Variants in BBS9 observed in about 807,000 individuals in gnomAD.
BBS9 encodes the protein protein PTHB1.
Under a neutral mutation model 117.7 loss-of-function variants are expected in BBS9, and 89 were observed. That is an observed-to-expected ratio of 0.76 (90% CI 0.64 to 0.90). BBS9 has a LOEUF of 0.90. Among genes scored for constraint, BBS9 ranks in the 40% least tolerant of loss-of-function variants. The probability of loss-of-function intolerance (pLI) is 0.00; values close to 1 mark genes in which losing one functional copy is unlikely to be tolerated. For missense variants in BBS9, 982 were observed against 1,042.2 expected (o/e 0.94, Z 0.80); for synonymous variants, 379 against 370.9 (o/e 1.02, Z -0.25).
intron 19 of BBS9, among the ~76,000 whole-genome samples, chr7:33,391,694 T>C (rs1038164806): frequency 6.6e-6 from 1 of 152,244 alleles, no homozygotes; most frequent in Admixed American, 6.5e-5. Context: ...TTTTGTTTAA[T>C]ATTCTATCAT....
chr7:33,271,682 A>C (rs1263370043), intron 7 of BBS9, among the ~76,000 whole-genome samples: 2 of 152,344 alleles, frequency 1.3e-5, no homozygotes, highest in East Asian at 3.9e-4. Context: ...ATATGCACCC[A>C]ACACAAAAGC....
intron 1 of BBS9, among the ~76,000 whole-genome samples, chr7:33,131,220 C>T (rs1013222369): frequency 6.6e-6 from 1 of 152,200 alleles, no homozygotes; most frequent in Non-Finnish European, 1.5e-5. Flanking sequence ...CACTGTCTCT[C>T]CTACTAGCAC....
chr7:33,356,394 C>G (rs957595366), intron 15 of BBS9, among the ~76,000 whole-genome samples: 1 of 151,700 alleles, frequency 6.6e-6, no homozygotes, highest in Non-Finnish European at 1.5e-5. Context: ...TTGTAAAGTA[C>G]AAATACACAT....
chr7:33,352,964 A>G, intron 15 of BBS9, 91 bp downstream of exon 15: 1 of 1,337,910 alleles, frequency 7.5e-7, no homozygotes, highest in South Asian at 1.2e-5. Flanking sequence ...AACTCTTTTT[A>G]TGGACTGCTC....
At chr7:33,556,897 G>A (rs1185233749) in intron 21 of BBS9, among the ~76,000 whole-genome samples, 2 of 152,186 alleles carry the variant, frequency 1.3e-5, no homozygotes, top group Admixed American at 1.3e-4. Flanking sequence ...GTACAAGCCT[G>A]TCTACAAGAA....
intron 9 of BBS9, among the ~76,000 whole-genome samples, chr7:33,325,683 T>C (rs565110779): frequency 2.1e-4 from 32 of 152,328 alleles, no homozygotes; most frequent in Admixed American, 5.9e-4. Flanking sequence ...TTTGGGTCAC[T>C]GCAGCCATAT....
At chr7:33,481,744 T>C (rs914526878) in intron 19 of BBS9, among the ~76,000 whole-genome samples, 17 of 152,260 alleles carry the variant, frequency 1.1e-4, no homozygotes, top group Non-Finnish European at 2.2e-4. Flanking sequence ...TTCTGTAACC[T>C]AGGGGTGATT....
At chr7:33,294,359 G>GTCCATCCA (rs111245225) in intron 9 of BBS9, among the ~76,000 whole-genome samples, 137 of 139,778 alleles carry the variant, frequency 9.8e-4, no homozygotes, top group Middle Eastern at 3.5e-3. Flanking sequence ...CTATCTCTTT[G>GTCCATCCA]TCCATCCATC....
intron 17 of BBS9, among the ~76,000 whole-genome samples, chr7:33,371,277 A>G (rs1401640976): frequency 6.6e-6 from 1 of 152,138 alleles, no homozygotes; most frequent in East Asian, 1.9e-4. Flanking sequence ...AATAATGATA[A>G]AACTCCATTT....
At chr7:33,199,353 T>C (rs1180119716) in intron 5 of BBS9, among the ~76,000 whole-genome samples, 1 of 151,930 alleles carries the variant, frequency 6.6e-6, no homozygotes, top group East Asian at 1.9e-4. Context: ...ACACTAAAAT[T>C]AGGGACCTCT....
intron 21 of BBS9, among the ~76,000 whole-genome samples, chr7:33,592,660 G>A (rs1862125258): frequency 6.6e-6 from 1 of 152,064 alleles, no homozygotes; most frequent in Non-Finnish European, 1.5e-5. Flanking sequence ...CCAAGCCAGT[G>A]ACCCAGCTGG....
rs3750124 is a variant in BBS9 at position 33,155,889 on chromosome 7, A to G, written c.328+187A>G. On this transcript the variant is annotated intron_variant, in intron 4 of 22. Coordinates refer to ENST00000242067, the MANE Select transcript of BBS9 (RefSeq NM_198428.3). ...CAGATACTTAGGCTATTACATTTTC[A>G]TGGTCTACTATTTCTGTGTATATGT... is the stretch of plus-strand genomic sequence containing the variant. Among the ~76,000 whole-genome samples the G allele has an allele frequency of 5.8e-4, 88 of 152,132 alleles. No individual in the cohort carries two copies. The East Asian group carries it at 0.014, about 24-fold the overall frequency.
At chr7:33,536,164 T>C (rs1851332120) in intron 21 of BBS9, among the ~76,000 whole-genome samples, 2 of 152,112 alleles carry the variant, frequency 1.3e-5, no homozygotes, top group Non-Finnish European at 2.9e-5. Flanking sequence ...ATCAGTCAGA[T>C]TTATGCCTGG....
intron 21 of BBS9, among the ~76,000 whole-genome samples, chr7:33,587,024 A>T (rs945816023): frequency 6.6e-6 from 1 of 152,114 alleles, no homozygotes; most frequent in East Asian, 1.9e-4. Context: ...AAACCTGAAC[A>T]TGTACCCCCG....
intron 1 of BBS9, among the ~76,000 whole-genome samples, chr7:33,140,254 G>A (rs1180297521): frequency 2.6e-5 from 4 of 152,150 alleles, no homozygotes; most frequent in Non-Finnish European, 5.9e-5. Context: ...TCGATCTCCT[G>A]ACCTCGTGAT....
intron 21 of BBS9, among the ~76,000 whole-genome samples, chr7:33,628,777 T>C (rs1865756467): frequency 6.6e-6 from 1 of 152,210 alleles, no homozygotes; most frequent in African/African-American, 2.4e-5. Flanking sequence ...GAAACTAGAA[T>C]TTAGAATTTC....
In BBS9 at chr7:33,420,122, T is replaced by G. The variant is rs1217739885; in HGVS notation, c.2115+31978T>G. 2.0e-5 allele frequency among the ~76,000 whole-genome samples: 3 copies of G among 152,194 alleles called. No individual in the cohort carries two copies. The East Asian group carries it at 5.8e-4, about 29-fold the overall frequency. ...CAAGAACCAGGGTTTCTGAGACAATTTGTTGGTTTTGAAAGAGATTTTGGG... is the reference window on the plus strand; with the variant it reads ...CAAGAACCAGGGTTTCTGAGACAATGTGTTGGTTTTGAAAGAGATTTTGGG... On this transcript the variant is annotated intron_variant, in intron 19 of 22. Transcript: ENST00000242067.
At chr7:33,174,553 C>A (rs1171383603) in intron 4 of BBS9, among the ~76,000 whole-genome samples, 1 of 152,162 alleles carries the variant, frequency 6.6e-6, no homozygotes, top group Admixed American at 6.5e-5. Flanking sequence ...TACAACTCAG[C>A]ATTCACCCCA....
rs1222235391 is a variant in BBS9, at chr7:33,336,515, C to G, written c.1091C>G (p.Ser364Cys). 2 of 1,613,102 alleles carry G rather than the reference C, an allele frequency of 1.2e-6. No homozygotes were observed. Among genetic ancestry groups the G allele is most frequent in the African/African-American group, 1.3e-5 (1 of 74,894 alleles). ...LQCSYLGTDP[S>C]LFQAPNVQSR... ...TGTTCATACCTGGGGACAGATCCTT[C>G]TCTGTTCCAAGCTCCAAACGTTCAA... is the stretch of plus-strand genomic sequence containing the variant. The change falls in exon 10 of 23, where the codon TCT becomes TGT. Residue 364 changes from serine (S) to cysteine (C), a missense_variant. By Grantham distance (112) the Ser-to-Cys change is moderately radical. Transcript: ENST00000242067.
Sources: allele counts gnomAD v4.1 joint callset (sites outside exome capture counted in the v4.1 genomes callset), GRCh38; gene constraint gnomAD v4.1.1; transcripts MANE v1.5; gene names NCBI Gene and HGNC (gene_info 2026-07-23, HGNC 2026-07-21).